Variants in DHRS7C observed in about 807,000 individuals in gnomAD.
The protein encoded by DHRS7C is dehydrogenase/reductase SDR family member 7C.
Under a neutral mutation model 29.6 loss-of-function variants are expected in DHRS7C, and 28 were observed. The observed-to-expected ratio is 0.95, with a 90% CI of 0.70 to 1.30. The LOEUF (loss-of-function observed/expected upper bound fraction) is 1.30. Ranked by LOEUF, DHRS7C falls within the 50% of genes most tolerant of loss-of-function variation. The probability of loss-of-function intolerance (pLI) is 0.00; values close to 1 mark genes in which losing one functional copy is unlikely to be tolerated. For missense variants in DHRS7C, 403 were observed against 393.3 expected, an observed-to-expected ratio of 1.02 and a Z score of -0.21; for synonymous variants, 158 against 160.2, an observed-to-expected ratio of 0.99 and a Z score of 0.10.
chr17:9,771,742 C>G (rs1442703539), intron 5 of DHRS7C, 46 bp from the exon 6 acceptor site: 33 of 1,365,602 alleles, frequency 2.4e-5, no homozygotes, highest in Non-Finnish European at 3.1e-5. Context: ...TCCGTGGGGA[C>G]CCGGCTGGTC....
intron 1 of DHRS7C, among the ~76,000 whole-genome samples, chr17:9,789,027 C>T (rs1026757373): frequency 2.6e-5 from 4 of 152,072 alleles, no homozygotes; most frequent in African/African-American, 9.7e-5. Context: ...GATTTGATCA[C>T]GTGTGACTAC....
rs1392809587 is a variant in DHRS7C, at chr17:9,772,833, G to A, written c.661C>T (p.Pro221Ser). 1 of 1,613,990 alleles carries A rather than the reference G, an allele frequency of 6.2e-7. No homozygotes were observed. The highest frequency in any genetic ancestry group is 1.3e-5 in the African/African-American group (1 of 75,028). Residue 221 changes from proline (P) to serine (S), a missense_variant, in exon 5 of 6, where the codon CCG (proline) becomes TCG (serine). Physicochemically the swap from Pro to Ser is moderately conservative, Grantham distance 74 (BLOSUM62 -1). Coordinates refer to ENST00000571134, the MANE Select transcript of DHRS7C (RefSeq NM_001105571.3). ...ACGTGGTACGACCGGATGAAAGTCG[G>A]GCTCACGGTGCTGATGACAACATCG... Reference protein sequence around the residue: ...EYDVVISTVSPTFIRSYHVYP... With the variant: ...EYDVVISTVSSTFIRSYHVYP...
Position 9,775,652 on chromosome 17 carries a change from A to T in DHRS7C, c.571+1541T>A, listed in dbSNP as rs1330679210. Among the ~76,000 whole-genome samples, 1 of 152,144 alleles carries T rather than the reference A, an allele frequency of 6.6e-6. No homozygotes were observed. The highest frequency in any genetic ancestry group is 1.5e-5 in the Non-Finnish European group (1 of 68,026). On this transcript the variant is annotated intron_variant, in intron 4 of 5. Coordinates refer to ENST00000571134, the MANE Select transcript of DHRS7C (RefSeq NM_001105571.3). This position sits in a 1 kb window ranked among gnomAD's most constrained non-coding sequence, Gnocchi z 4.2. ...AGGTTACTACATGGAGGAGTAATCAAGTTTTCCCACATCACAGGCTCACAG... is the reference window on the plus strand; with the variant it reads ...AGGTTACTACATGGAGGAGTAATCATGTTTTCCCACATCACAGGCTCACAG...
rs181044146 is a variant in DHRS7C at position 9,786,781 on chromosome 17, T to C, written c.154+4350A>G. Among the ~76,000 whole-genome samples the C allele has an allele frequency of 3.5e-3, 535 of 152,138 alleles. 3 individuals carry two copies. The highest frequency in any genetic ancestry group is 3.5e-3 in the Non-Finnish European group (236 of 67,984). On this transcript the variant is annotated intron_variant, in intron 1 of 5. Transcript: ENST00000571134. ...AAATGAATCACCCGGAGTCCCACAG[T>C]TGGCCAGCAGGGAAGCCAGGATGTG...
At position 9,772,782 on chromosome 17, in the gene DHRS7C, C is replaced by A. The variant is rs758449389; in HGVS notation, c.712G>T (p.Ala238Ser). 1 of 1,613,780 alleles carries A rather than the reference C, an allele frequency of 6.2e-7. No individual in the cohort carries two copies. The highest frequency in any genetic ancestry group is 8.5e-7 in the Non-Finnish European group (1 of 1,179,856). Residue 238 changes from alanine to serine, a missense_variant, in exon 5 of 6, where the codon GCT (alanine) becomes TCT (serine). Physicochemically the swap from Ala to Ser is moderately conservative, Grantham distance 99 (BLOSUM62 1). Transcript: ENST00000571134. ...GAAGTCTCACATTTCCAAATGGAAG[C>A]TTCCCAGTTTCCTTGCTCTGGATAC... ...HVYPEQGNWE[A>S]SIWKFFFRKL...
intron 1 of DHRS7C, 82 bp downstream of exon 1, chr17:9,791,049 G>GC (rs1325280508): frequency 2.7e-6 from 4 of 1,498,370 alleles, no homozygotes; most frequent in Non-Finnish European, 3.6e-6. Context: ...TGCCCACACA[G>GC]CGCCCTGCCG....
intron 1 of DHRS7C, among the ~76,000 whole-genome samples, chr17:9,786,328 A>AAT (rs2066423296): frequency 7.2e-6 from 1 of 138,200 alleles, no homozygotes; most frequent in Non-Finnish European, 1.6e-5. Flanking sequence ...ACTCCGTCTC[A>AAT]AATAATAATA....
chr17:9,784,360 T>C (rs757283296), intron 1 of DHRS7C, among the ~76,000 whole-genome samples: 3 of 152,098 alleles, frequency 2.0e-5, no homozygotes, highest in Non-Finnish European at 4.4e-5. Context: ...TAGTCCCAGC[T>C]ACTTGTGAGG....
rs1294846595 is a variant in DHRS7C, at chr17:9,777,296, C to T, written c.479-11G>A. The stretch of plus-strand genomic sequence containing the variant: ...TGTTGGGAAGCAGGGCTGGAAAACA[C>T]AGGACGATGCATCATGGTTAAAACT... On this transcript the variant is annotated splice_polypyrimidine_tract_variant and intron_variant, in intron 3 of 5. Transcript: ENST00000571134. 6.2e-7 allele frequency: 1 copy of T among 1,609,964 alleles called. No homozygotes were observed. The highest frequency in any genetic ancestry group is 2.2e-5 in the East Asian group (1 of 44,802).
At chr17:9,773,719 C>CTTTTTTTTTTTTTT (rs757682123) in intron 4 of DHRS7C, among the ~76,000 whole-genome samples, 18 of 86,004 alleles carry the variant, frequency 2.1e-4, no homozygotes, top group Non-Finnish European at 3.2e-4. Flanking sequence ...GCAATGAGGC[C>CTTTTTTTTTTTTTT]TTTTTTTTTT....
chr17:9,772,196 T>C (rs2066333583), intron 5 of DHRS7C, among the ~76,000 whole-genome samples: 1 of 152,200 alleles, frequency 6.6e-6, no homozygotes, highest in African/African-American at 2.4e-5. Flanking sequence ...ATAGAGGGGC[T>C]GGTTGCTATT....
rs768689029 is a variant in DHRS7C, at chr17:9,791,588, C to G, written c.-304G>C. 6.6e-6 allele frequency among the ~76,000 whole-genome samples: 1 copy of G among 152,192 alleles called. No individual in the cohort carries two copies. The highest frequency in any genetic ancestry group is 1.5e-5 in the Non-Finnish European group (1 of 68,034). ...TGTGTTAAGGCCACTTGCTTGGGCC[C>G]TAATGGTTATTTATAGCTTTCAGTT... On this transcript the variant is annotated 5_prime_UTR_variant, in exon 1 of 6. Transcript: ENST00000571134.
intron 1 of DHRS7C, among the ~76,000 whole-genome samples, chr17:9,782,010 G>A (rs2066395986): frequency 6.6e-6 from 1 of 152,210 alleles, no homozygotes; most frequent in Non-Finnish European, 1.5e-5. Context: ...TCTGGGGATA[G>A]ACACCTCAGC....
chr17:9,785,503 T>C (rs1408631517), intron 1 of DHRS7C, among the ~76,000 whole-genome samples: 3 of 152,004 alleles, frequency 2.0e-5, no homozygotes, highest in Non-Finnish European at 4.4e-5. Context: ...AGGTCATGAG[T>C]TGGTTGAGAG....
chr17:9,789,030 GT>G (rs1407287146), intron 1 of DHRS7C, among the ~76,000 whole-genome samples: 7 of 152,226 alleles, frequency 4.6e-5, no homozygotes, highest in African/African-American at 1.7e-4. Flanking sequence ...TTGATCACGT[GT>G]GACTACAACT....
At chr17:9,782,402 A>G (rs2152017335) in intron 1 of DHRS7C, among the ~76,000 whole-genome samples, 1 of 152,258 alleles carries the variant, frequency 6.6e-6, no homozygotes, top group South Asian at 2.1e-4. Flanking sequence ...GAGTGAGGTC[A>G]TGGAATAGGG....
At chr17:9,776,386 T>TA (rs1442972634) in intron 4 of DHRS7C, among the ~76,000 whole-genome samples, 2 of 152,126 alleles carry the variant, frequency 1.3e-5, no homozygotes, top group African/African-American at 4.8e-5. Flanking sequence ...GCCTCCAGAA[T>TA]AAAAAAACAA....
intron 3 of DHRS7C, among the ~76,000 whole-genome samples, chr17:9,779,139 A>C (rs529873281): frequency 6.6e-6 from 1 of 152,190 alleles, no homozygotes; most frequent in African/African-American, 2.4e-5. Context: ...CGAATTCCTG[A>C]CTTCATGATC....
intron 1 of DHRS7C, among the ~76,000 whole-genome samples, chr17:9,786,328 AAAT>A (rs200610370): frequency 0.029 from 3,978 of 138,146 alleles, 127 homozygotes; most frequent in African/African-American, 0.077. Flanking sequence ...ACTCCGTCTC[AAAT>A]AATAATAATA....
Sources: allele counts gnomAD v4.1 joint callset (sites outside exome capture counted in the v4.1 genomes callset), GRCh38; gene constraint gnomAD v4.1.1; non-coding constraint Gnocchi (gnomAD v3.1); transcripts MANE v1.5; gene names NCBI Gene and HGNC (gene_info 2026-07-23, HGNC 2026-07-21).